Variants in DENND1B observed in about 807,000 individuals in gnomAD.
The protein encoded by DENND1B is DENN domain containing 1B.
A neutral mutation model predicts 90.1 loss-of-function variants in DENND1B; 59 were observed. That is an observed-to-expected ratio of 0.65 (90% CI 0.53 to 0.81). DENND1B has a LOEUF of 0.81. DENND1B is among the 40% of genes least tolerant of loss of function. The pLI is 0.00. For missense variants in DENND1B, 862 were observed against 912.6 expected (o/e 0.94, Z 0.71); for synonymous variants, 337 against 324.6 (o/e 1.04, Z -0.41).
intron 5 of DENND1B, among the ~76,000 whole-genome samples, chr1:197,667,356 T>C (rs1018151347): frequency 6.6e-5 from 10 of 152,216 alleles, no homozygotes; most frequent in South Asian, 4.2e-4. Context: ...ATCAGCAATA[T>C]TTTTTTCTCT....
intron 12 of DENND1B, among the ~76,000 whole-genome samples, chr1:197,610,759 TG>T (rs1677112953): frequency 6.6e-6 from 1 of 150,862 alleles, no homozygotes; most frequent in South Asian, 2.1e-4. Flanking sequence ...GAAAGTACCT[TG>T]GCATGTAAGA....
intron 13 of DENND1B, among the ~76,000 whole-genome samples, chr1:197,596,210 T>G (rs980567251): frequency 6.6e-6 from 1 of 152,034 alleles, no homozygotes; most frequent in Non-Finnish European, 1.5e-5. Context: ...TTTCATACAT[T>G]TTTCTATCTT....
At chr1:197,678,409 G>A (rs1244199234) in intron 3 of DENND1B, among the ~76,000 whole-genome samples, 1 of 151,952 alleles carries the variant, frequency 6.6e-6, no homozygotes, top group Non-Finnish European at 1.5e-5. Flanking sequence ...TGAGCTACTT[G>A]TCCATTTTAA....
At chr1:197,529,501 T>A (rs1467972839) in intron 20 of DENND1B, among the ~76,000 whole-genome samples, 1 of 151,624 alleles carries the variant, frequency 6.6e-6, no homozygotes, top group Non-Finnish European at 1.5e-5. Flanking sequence ...GGGCCATCCA[T>A]CTGTTAATGT....
intron 12 of DENND1B, among the ~76,000 whole-genome samples, chr1:197,608,634 A>C (rs544283686): frequency 7.4e-4 from 112 of 150,702 alleles, no homozygotes; most frequent in African/African-American, 2.6e-3. Flanking sequence ...TTATGACAGA[A>C]ACTATAAAGA....
intron 2 of DENND1B, among the ~76,000 whole-genome samples, chr1:197,743,251 C>T (rs1663384620): frequency 6.6e-6 from 1 of 152,152 alleles, no homozygotes; most frequent in Non-Finnish European, 1.5e-5. Flanking sequence ...GAAGATATTG[C>T]AGGTTCAGTT....
chr1:197,645,723 A>C lies in DENND1B; in HGVS notation c.528T>G (p.Pro176=). ...GTATTGTTGGGAGTCCAGTTACATC[A>C]GGGGCAATGAAGTAGGAATGCTAAT... ...ALVPHSYFIA[P]DVTGLPTIPE... The change falls in exon 9 of 23, where the codon CCT becomes CCG. Residue 176 remains proline, a synonymous_variant. Transcript: ENST00000620048. The C allele has an allele frequency of 1.3e-6, 2 of 1,573,740 alleles. No homozygotes were observed. Among genetic ancestry groups the C allele is most frequent in the East Asian group, 2.3e-5 (1 of 43,474 alleles).
intron 2 of DENND1B, among the ~76,000 whole-genome samples, chr1:197,767,435 A>G (rs1205765491): frequency 6.6e-6 from 1 of 152,142 alleles, no homozygotes; most frequent in African/African-American, 2.4e-5. Context: ...TTAAGGCTCT[A>G]ATTTAACAAA....
intron 7 of DENND1B, among the ~76,000 whole-genome samples, chr1:197,650,523 T>C (rs1250503827): frequency 6.6e-6 from 1 of 152,048 alleles, no homozygotes; most frequent in Admixed American, 6.6e-5. Flanking sequence ...TGGGTATCTA[T>C]CAAGAGGAAA....
chr1:197,626,495 C>G (rs1055364198), intron 10 of DENND1B, among the ~76,000 whole-genome samples: 7 of 152,226 alleles, frequency 4.6e-5, no homozygotes, highest in Admixed American at 2.0e-4. Flanking sequence ...AAAGACACAA[C>G]ATACCACAAT....
intron 2 of DENND1B, among the ~76,000 whole-genome samples, chr1:197,754,283 A>G (rs1427316758): frequency 6.6e-6 from 1 of 152,192 alleles, no homozygotes; most frequent in African/African-American, 2.4e-5. Flanking sequence ...ATACATATCA[A>G]AAGTCCAACA....
At chr1:197,691,672 C>T (rs1657905180) in intron 3 of DENND1B, among the ~76,000 whole-genome samples, 1 of 151,942 alleles carries the variant, frequency 6.6e-6, no homozygotes, top group Non-Finnish European at 1.5e-5. Context: ...TTCTCTGTAG[C>T]ATTACTCAGA....
chr1:197,606,309 A>G (rs553542714), intron 13 of DENND1B: 1 of 151,058 alleles, frequency 6.6e-6, no homozygotes, highest in African/African-American at 2.4e-5. Flanking sequence ...CCAGAAGAGA[A>G]CTGGCACTTA....
At chr1:197,575,477 G>A (rs1361931725) in intron 15 of DENND1B, among the ~76,000 whole-genome samples, 3 of 152,200 alleles carry the variant, frequency 2.0e-5, no homozygotes, top group Non-Finnish European at 4.4e-5. Context: ...CTTTTACACT[G>A]TTGGTGGGAG....
Position 197,652,318 on chromosome 1 carries a change from AG to A in DENND1B, c.367-4del, listed in dbSNP as rs751149213. The A allele has an allele frequency of 2.5e-6, 4 of 1,606,214 alleles. No individual in the cohort carries two copies. The African/African-American group carries it at 5.4e-5, about 22-fold the overall frequency. Reference sequence around the variant, plus strand: ...AGAGTTTCATTCAAATCATTTTCCTAGGGCAAAAGAAAAAGTACATTTTATA... The same window carrying A: ...AGAGTTTCATTCAAATCATTTTCCTAGGCAAAAGAAAAAGTACATTTTATA... On this transcript the variant is annotated splice_region_variant and splice_polypyrimidine_tract_variant and intron_variant, in intron 6 of 22. Coordinates refer to ENST00000620048, the MANE Select transcript of DENND1B (RefSeq NM_001195215.2).
At chr1:197,653,387 G>C (rs575925094) in intron 6 of DENND1B, among the ~76,000 whole-genome samples, 18 of 152,140 alleles carry the variant, frequency 1.2e-4, no homozygotes, top group African/African-American at 4.3e-4. Context: ...GTATACCATA[G>C]AAAATTGTGG....
intron 2 of DENND1B, among the ~76,000 whole-genome samples, chr1:197,770,739 T>TATATATCTATAAATATATATAA (rs1656413865): frequency 7.2e-6 from 1 of 138,540 alleles, no homozygotes; most frequent in African/African-American, 2.7e-5. Flanking sequence ...TATATATAAA[T>TATATATCTATAAATATATATAA]ATATATATCT....
chr1:197,744,595 C>T (rs1391274954), intron 2 of DENND1B, among the ~76,000 whole-genome samples: 1 of 152,134 alleles, frequency 6.6e-6, no homozygotes, highest in Non-Finnish European at 1.5e-5. Context: ...CTTTGTTATT[C>T]CATTTATAGA....
chr1:197,741,351 G>A (rs755830476), intron 2 of DENND1B, among the ~76,000 whole-genome samples: 17 of 152,206 alleles, frequency 1.1e-4, no homozygotes, highest in African/African-American at 2.2e-4. Context: ...GGTTTAAAGC[G>A]ATTACAATGA....
Sources: gnomAD v4.1 joint callset for allele counts (sites outside exome capture counted in the v4.1 genomes callset) on GRCh38, gnomAD v4.1.1 for gene constraint, MANE v1.5 for transcripts, NCBI Gene and HGNC (gene_info 2026-07-23, HGNC 2026-07-21) for gene names.